MPPED2: variants seen among roughly 807,000 people sequenced by gnomAD.
The protein encoded by MPPED2 is metallophosphoesterase MPPED2.
MPPED2 carries 5 observed loss-of-function variants against 33.0 expected under a neutral mutation model. That is an observed-to-expected ratio of 0.15 (90% CI 0.08 to 0.32). MPPED2 has a LOEUF of 0.32. MPPED2 is among the 10% of genes least tolerant of loss of function. MPPED2 has a pLI of 1.00. For missense variants in MPPED2, 275 were observed against 372.1 expected (o/e 0.74, Z 2.15); for synonymous variants, 136 against 141.9 (o/e 0.96, Z 0.29).
intron 3 of MPPED2, among the ~76,000 whole-genome samples, chr11:30,499,433 C>A (rs1049860036): frequency 6.6e-6 from 1 of 152,136 alleles, no homozygotes; most frequent in Non-Finnish European, 1.5e-5. Flanking sequence ...TGTCAGTGCT[C>A]AAAATGTTTC....
chr11:30,424,454 C>T (rs185996288), intron 4 of MPPED2, among the ~76,000 whole-genome samples: 1 of 152,282 alleles, frequency 6.6e-6, no homozygotes, highest in Admixed American at 6.5e-5. Flanking sequence ...CCAAGAGAAG[C>T]TAATTTAACC....
At chr11:30,497,332 A>C (rs555594108) in intron 3 of MPPED2, among the ~76,000 whole-genome samples, 1 of 152,266 alleles carries the variant, frequency 6.6e-6, no homozygotes, top group East Asian at 1.9e-4. Flanking sequence ...CTACAACTCT[A>C]ATATCATGGC....
Position 30,417,586 on chromosome 11 carries a change from G to C in MPPED2, c.584C>G (p.Ser195Cys). 6.2e-7 allele frequency: 1 copy of C among 1,613,426 alleles called. No individual in the cohort carries two copies. The highest frequency in any genetic ancestry group is 1.1e-5 in the South Asian group (1 of 91,058). The change falls in exon 5 of 7, where the codon TCT becomes TGT. Residue 195 changes from serine (S) to cysteine (C), a missense_variant. Ser to Cys is a moderately radical substitution (Grantham distance 112). Coordinates refer to ENST00000358117, the MANE Select transcript of MPPED2 (RefSeq NM_001584.3). The stretch of plus-strand genomic sequence containing the variant: ...GATGAGGTTCCACTTGTCCAGCAGA[G>C]ACTGACCTCTGGGTAGGTTAAAGCC... ...GWGFNLPRGQSLLDKWNLIPE... is the reference protein window; with the variant it reads ...GWGFNLPRGQCLLDKWNLIPE...
intron 4 of MPPED2, among the ~76,000 whole-genome samples, chr11:30,493,557 T>C (rs1443833777): frequency 6.7e-6 from 1 of 148,184 alleles, no homozygotes; most frequent in African/African-American, 2.5e-5. Context: ...CTGCTCTACA[T>C]ACACACACAC....
chr11:30,461,126 T>C (rs75883638), intron 4 of MPPED2, among the ~76,000 whole-genome samples: 339 of 152,306 alleles, frequency 2.2e-3, no homozygotes, highest in African/African-American at 7.5e-3. Context: ...AGGGTAAAGA[T>C]TGAATGATTT....
intron 4 of MPPED2, among the ~76,000 whole-genome samples, chr11:30,425,916 G>A (rs1164369629): frequency 6.6e-6 from 1 of 152,164 alleles, no homozygotes; most frequent in Non-Finnish European, 1.5e-5. Context: ...GTAAAGAAAA[G>A]GGATATTTGT....
chr11:30,580,245 C>CAT lies in MPPED2; in HGVS notation c.127_128dup (p.Met43IlefsTer62). The CAT allele has an allele frequency of 6.2e-7, 1 of 1,612,940 alleles. No homozygotes were observed. Among genetic ancestry groups the CAT allele is most frequent in the Non-Finnish European group, 8.5e-7 (1 of 1,179,570 alleles). ...TTGTTAAGTTCATAAGCGATACTTA[C>CAT]ATATGTACATGTGGAGGCTGGAATC... On this transcript the variant is annotated frameshift_variant and splice_region_variant. Coordinates refer to ENST00000358117, the MANE Select transcript of MPPED2 (RefSeq NM_001584.3). LOFTEE classifies it high-confidence loss of function.
At position 30,411,344 on chromosome 11, in the gene MPPED2, G is replaced by T. The variant is rs544091706; in HGVS notation, c.*124C>A. 2.0e-5 allele frequency: 27 copies of T among 1,384,248 alleles called. No individual in the cohort carries two copies. In the African/African-American group the frequency reaches 2.7e-4, roughly 14 times the overall value. The allele number at this position is 1,384,248 out of a possible 1,614,324, so 85.7% of individuals were successfully genotyped here. On this transcript the variant is annotated 3_prime_UTR_variant, in exon 7 of 7. Coordinates refer to ENST00000358117, the MANE Select transcript of MPPED2 (RefSeq NM_001584.3). ...AGAAGCACAACCTCTAGCATCATTT[G>T]TGTTCCAACAATTTACAAAAAGAAC...
intron 3 of MPPED2, among the ~76,000 whole-genome samples, chr11:30,528,009 T>C (rs144097166): frequency 6.9e-4 from 105 of 152,314 alleles, no homozygotes; most frequent in African/African-American, 2.4e-3. Context: ...CATTAATAAG[T>C]CTCCTTTTAC....
downstream of MPPED2, among the ~76,000 whole-genome samples, chr11:30,408,297 T>A (rs543639859): frequency 6.6e-6 from 1 of 152,294 alleles, no homozygotes; most frequent in East Asian, 1.9e-4. Flanking sequence ...ATAGGATATA[T>A]CCCCAGGCTT....
chr11:30,473,186 C>G (rs779931675), intron 4 of MPPED2, among the ~76,000 whole-genome samples: 3 of 152,194 alleles, frequency 2.0e-5, no homozygotes, highest in Admixed American at 6.5e-5. Context: ...GGCTGATTCT[C>G]TCTGTGGTGA....
chr11:30,384,739 G>C (rs1481072183), exon 7 of MPPED2: 1 of 152,180 alleles, frequency 6.6e-6, no homozygotes, highest in Non-Finnish European at 1.5e-5. Flanking sequence ...GGAGGCATGA[G>C]CCACCGCGCC....
chr11:30,471,978 C>A (rs1315215034), intron 4 of MPPED2, among the ~76,000 whole-genome samples: 1 of 151,394 alleles, frequency 6.6e-6, no homozygotes, highest in African/African-American at 2.4e-5. Flanking sequence ...TTCAGGGTTG[C>A]TAAAGTCAAA....
At chr11:30,541,887 T>C (rs571544) in intron 2 of MPPED2, among the ~76,000 whole-genome samples, 55,783 of 152,024 alleles carry the variant, frequency 0.37, 10,687 homozygotes, top group African/African-American at 0.48. Context: ...CCACGGTGCC[T>C]GGCCCACTGA....
rs150253387 is a variant in MPPED2 at position 30,554,830 on chromosome 11, G to A, written c.129-18655C>T. ...TTTCTTTGGGTTAGAAGATCCCCACGTGTGTCTGTCCTTAGGCCTGACGTC... is the reference window on the plus strand; with the variant it reads ...TTTCTTTGGGTTAGAAGATCCCCACATGTGTCTGTCCTTAGGCCTGACGTC... On this transcript the variant is annotated intron_variant, in intron 2 of 6. Transcript: ENST00000358117. Among the ~76,000 whole-genome samples the A allele has an allele frequency of 7.9e-5, 12 of 152,216 alleles. No homozygotes were observed. In the East Asian group the frequency reaches 1.2e-3, roughly 15 times the overall value.
intron 1 of MPPED2, among the ~76,000 whole-genome samples, chr11:30,580,724 A>C (rs539740429): frequency 6.6e-6 from 1 of 152,174 alleles, no homozygotes; most frequent in Non-Finnish European, 1.5e-5. Context: ...TGGAGTTCAA[A>C]CTAAGATTTC....
intron 6 of MPPED2, among the ~76,000 whole-genome samples, chr11:30,395,979 T>G (rs1473552319): frequency 6.6e-6 from 1 of 152,138 alleles, no homozygotes; most frequent in Non-Finnish European, 1.5e-5. Context: ...ACCTAACCGG[T>G]TCTTAAATTT....
intron 6 of MPPED2, 59 bp downstream of exon 6, chr11:30,414,169 T>C: frequency 2.5e-6 from 3 of 1,184,592 alleles, no homozygotes; most frequent in South Asian, 2.5e-5. Context: ...TTCCTAGTTG[T>C]AGACTGAGAT....
At chr11:30,478,067 G>A (rs558396202) in intron 4 of MPPED2, among the ~76,000 whole-genome samples, 4 of 152,044 alleles carry the variant, frequency 2.6e-5, no homozygotes, top group Admixed American at 6.6e-5. Context: ...TCATGAAACC[G>A]TTTTACTAAA....
Sources: gnomAD v4.1 joint callset for allele counts (sites outside exome capture counted in the v4.1 genomes callset) on GRCh38, gnomAD v4.1.1 for gene constraint, MANE v1.5 for transcripts, NCBI Gene and HGNC (gene_info 2026-07-23, HGNC 2026-07-21) for gene names.